GALNT17: variants seen among roughly 807,000 people sequenced by gnomAD.
GALNT17 encodes the protein polypeptide N-acetylgalactosaminyltransferase 17.
GALNT17 carries 29 observed loss-of-function variants against 63.7 expected under a neutral mutation model. The observed-to-expected ratio is 0.46, with a 90% CI of 0.34 to 0.62. The LOEUF (loss-of-function observed/expected upper bound fraction) is 0.62. Among genes scored for constraint, GALNT17 ranks in the 20% least tolerant of loss-of-function variants. The pLI is 0.01. For missense variants in GALNT17, 603 were observed against 799.6 expected, an observed-to-expected ratio of 0.75 and a Z score of 2.97; for synonymous variants, 305 against 318.3, an observed-to-expected ratio of 0.96 and a Z score of 0.45.
intron 1 of GALNT17, among the ~76,000 whole-genome samples, chr7:71,286,562 C>T (rs753660075): frequency 6.6e-6 from 1 of 152,064 alleles, no homozygotes; most frequent in South Asian, 2.1e-4. Flanking sequence ...TTTCCATCTG[C>T]CTCTCAGGAG....
At position 71,306,409 on chromosome 7, in the gene GALNT17, C is replaced by T. The variant is rs987630493; in HGVS notation, c.239-29141C>T. On this transcript the variant is annotated intron_variant, in intron 1 of 10. Transcript: ENST00000333538. ...AATAACTCCCCCTACCTGCTGTCAACGCCCCCCACTATTCTTCTTTCTCTG... is the reference window on the plus strand; with the variant it reads ...AATAACTCCCCCTACCTGCTGTCAATGCCCCCCACTATTCTTCTTTCTCTG... Among the ~76,000 whole-genome samples, 15 of 151,870 alleles carry T rather than the reference C, an allele frequency of 9.9e-5. 1 individual carries two copies. Among genetic ancestry groups the T allele is most frequent in the Admixed American group, 7.9e-4 (12 of 15,236 alleles).
At chr7:71,643,357 A>T (rs1790630439) in intron 6 of GALNT17, among the ~76,000 whole-genome samples, 1 of 152,040 alleles carries the variant, frequency 6.6e-6, no homozygotes, top group Non-Finnish European at 1.5e-5. Flanking sequence ...AATCCCAGCT[A>T]CTCAGGAGGT....
chr7:71,398,060 C>G (rs1793172166), intron 3 of GALNT17, among the ~76,000 whole-genome samples: 1 of 151,962 alleles, frequency 6.6e-6, no homozygotes. Flanking sequence ...GAGTCTTTAT[C>G]TTGTCACCAT....
At chr7:71,280,878 A>G (rs1463519592) in intron 1 of GALNT17, among the ~76,000 whole-genome samples, 1 of 152,064 alleles carries the variant, frequency 6.6e-6, no homozygotes, top group African/African-American at 2.4e-5. Flanking sequence ...GCCCACTTGG[A>G]GGAAGTAGTA....
intron 6 of GALNT17, among the ~76,000 whole-genome samples, chr7:71,598,181 C>T (rs1375275802): frequency 1.3e-5 from 2 of 152,100 alleles, no homozygotes; most frequent in African/African-American, 4.8e-5. Context: ...TGACCTTGTG[C>T]TCTGCCTGCC....
rs142899824 is a variant in GALNT17, at chr7:71,309,397, C to A, written c.239-26153C>A. On this transcript the variant is annotated intron_variant, in intron 1 of 10. Transcript: ENST00000333538. ...TGAGTTGAGGCACACGCTTTCCCTT[C>A]TGCTGGGAAGGAGTTTCCACCCCTC... Among the ~76,000 whole-genome samples, 17 of 152,204 alleles carry A rather than the reference C, an allele frequency of 1.1e-4. No homozygotes were observed. The East Asian group carries it at 3.1e-3, about 28-fold the overall frequency.
intron 2 of GALNT17, among the ~76,000 whole-genome samples, chr7:71,345,159 T>C (rs201212678): frequency 1.8e-4 from 26 of 145,080 alleles, no homozygotes; most frequent in Middle Eastern, 3.6e-3. Context: ...TTTTTTTTTT[T>C]GTTTTTTTTT....
At chr7:71,383,328 A>T (rs747812467) in intron 2 of GALNT17, among the ~76,000 whole-genome samples, 2 of 152,258 alleles carry the variant, frequency 1.3e-5, no homozygotes, top group Non-Finnish European at 2.9e-5. Flanking sequence ...ATATTTGTAC[A>T]TAAACTACGC....
chr7:71,148,705 T>G (rs1788069665), intron 1 of GALNT17, among the ~76,000 whole-genome samples: 1 of 152,022 alleles, frequency 6.6e-6, no homozygotes, highest in South Asian at 2.1e-4. Context: ...TTAAGACATT[T>G]TTACATCTCT....
chr7:71,571,848 T>C (rs1167897203), intron 6 of GALNT17, among the ~76,000 whole-genome samples: 3 of 151,868 alleles, frequency 2.0e-5, no homozygotes, highest in Admixed American at 2.0e-4. Context: ...ACCCTGTCTC[T>C]ACAAAAAATA....
Position 71,262,776 on chromosome 7 carries a change from G to A in GALNT17, c.239-72774G>A, listed in dbSNP as rs574769567. On this transcript the variant is annotated intron_variant, in intron 1 of 10. Transcript: ENST00000333538. ...GCTCACTGCAACCTCTGCCTCCTGG[G>A]CTCAAGTGATCCTCCCACCTGAGCT... 4.0e-3 allele frequency among the ~76,000 whole-genome samples: 607 copies of A among 150,928 alleles called. 5 individuals are homozygous for A. The highest frequency in any genetic ancestry group is 0.014 in the Middle Eastern group (4 of 292).
chr7:71,519,763 C>T (rs1354742465), intron 5 of GALNT17, among the ~76,000 whole-genome samples: 1 of 152,002 alleles, frequency 6.6e-6, no homozygotes, highest in African/African-American at 2.4e-5. Flanking sequence ...CGTGCCCAGC[C>T]TAGTATTTTA....
At chr7:71,438,379 T>G (rs562490217) in intron 5 of GALNT17, among the ~76,000 whole-genome samples, 2 of 152,212 alleles carry the variant, frequency 1.3e-5, no homozygotes, top group Non-Finnish European at 2.9e-5. Flanking sequence ...CTAGCCATGC[T>G]GGTTAGTGCC....
At chr7:71,308,507 AT>A (rs1158120771) in intron 1 of GALNT17, among the ~76,000 whole-genome samples, 1 of 152,114 alleles carries the variant, frequency 6.6e-6, no homozygotes, top group African/African-American at 2.4e-5. Flanking sequence ...CCCTCCCTCC[AT>A]TTGATTTAGG....
intron 1 of GALNT17, among the ~76,000 whole-genome samples, chr7:71,199,417 C>G (rs1326868310): frequency 6.6e-6 from 1 of 152,096 alleles, no homozygotes; most frequent in Non-Finnish European, 1.5e-5. Flanking sequence ...ATCTGTCTGT[C>G]CACTGGCCCA....
At chr7:71,660,372 G>A (rs146553671) in intron 6 of GALNT17, among the ~76,000 whole-genome samples, 2,139 of 152,316 alleles carry the variant, frequency 0.014, 35 homozygotes, top group African/African-American at 0.041. Flanking sequence ...TGTGTGAGGA[G>A]CCACAGCCTG....
intron 1 of GALNT17, among the ~76,000 whole-genome samples, chr7:71,218,337 C>T (rs549865089): frequency 6.6e-6 from 1 of 152,252 alleles, no homozygotes; most frequent in East Asian, 1.9e-4. Flanking sequence ...GTTTCATCTT[C>T]TGTTGTGTTT....
Position 71,133,190 on chromosome 7 carries a change from G to A in GALNT17, c.238+150G>A, listed in dbSNP as rs969728538. ...CTTCTTACCCTTCCTGCCCCGTTTC[G>A]GGCAGATGGCCGGGGCTGCTGGAAA... is the stretch of plus-strand genomic sequence containing the variant. On this transcript the variant is annotated intron_variant, in intron 1 of 10. Coordinates refer to ENST00000333538, the MANE Select transcript of GALNT17 (RefSeq NM_022479.3). 2.3e-5 allele frequency: 15 copies of A among 646,552 alleles called. No homozygotes were observed. The African/African-American group carries it at 2.3e-4, about 10-fold the overall frequency. 40.1% of individuals were successfully genotyped at this position (646,552 alleles called of 1,614,324 possible).
chr7:71,414,087 C>A (rs1023550726), intron 3 of GALNT17, among the ~76,000 whole-genome samples: 12 of 151,832 alleles, frequency 7.9e-5, no homozygotes, highest in African/African-American at 2.9e-4. Flanking sequence ...ACTAAAAATA[C>A]AAAATTAGCC....
Sources: allele counts gnomAD v4.1 joint callset (sites outside exome capture counted in the v4.1 genomes callset), GRCh38; gene constraint gnomAD v4.1.1; transcripts MANE v1.5; gene names NCBI Gene and HGNC (gene_info 2026-07-23, HGNC 2026-07-21).